ZBTB37: variants seen among roughly 807,000 people sequenced by gnomAD.
ZBTB37 encodes the protein zinc finger and BTB domain containing 37.
A neutral mutation model predicts 37.7 loss-of-function variants in ZBTB37; 15 were observed. The observed-to-expected ratio is 0.40, with a 90% confidence interval of 0.27 to 0.61. The LOEUF is 0.61. ZBTB37 is among the 20% of genes least tolerant of loss of function. The pLI is 0.44. For missense variants in ZBTB37, 514 were observed against 641.9 expected (o/e 0.80, Z 2.15); for synonymous variants, 231 against 220.6 (o/e 1.05, Z -0.42).
chr1:173,888,583 T>C (rs1656720114), downstream of ZBTB37: 1 of 148,866 alleles, frequency 6.7e-6, no homozygotes, highest in South Asian at 2.1e-4. Flanking sequence ...TGCACCACCA[T>C]GTCTAGCTAA....
chr1:173,889,772 T>G (rs917530849), downstream of ZBTB37: 1 of 152,226 alleles, frequency 6.6e-6, no homozygotes, highest in Non-Finnish European at 1.5e-5. Context: ...TTTATTATAA[T>G]AGAGGGTTAA....
intron 4 of ZBTB37, among the ~76,000 whole-genome samples, chr1:173,879,833 C>G (rs1457799123): frequency 6.6e-6 from 1 of 152,150 alleles, no homozygotes; most frequent in Non-Finnish European, 1.5e-5. Context: ...CACCTGTAAT[C>G]TCAGCTACTC....
At chr1:173,895,895 G>A (rs913423836) in exon 4 of ZBTB37, 6 of 152,102 alleles carry the variant, frequency 3.9e-5, no homozygotes. Context: ...CCATATTGAT[G>A]AACCCCAAAT....
exon 3 of ZBTB37, chr1:173,870,405 C>T: frequency 1.2e-6 from 2 of 1,614,236 alleles, no homozygotes; most frequent in South Asian, 1.1e-5. Context: ...TCCGGGATCA[C>T]ATGTCCTTGA....
intron 4 of ZBTB37, among the ~76,000 whole-genome samples, chr1:173,884,117 C>G (rs925285160): frequency 6.6e-6 from 1 of 150,844 alleles, no homozygotes; most frequent in Non-Finnish European, 1.5e-5. Context: ...TTTTTTAATA[C>G]AGAATTTTGA....
rs182092324 is a variant in ZBTB37 at position 173,876,646 on chromosome 1, G to A, written c.1023+3080G>A. On this transcript the variant is annotated intron_variant, in intron 4 of 4. Transcript: ENST00000427304. Reference sequence around the variant, plus strand: ...ACCACTGAATATTTATTGTGTGCATGGTATAGTAATAGCCGTAAGACATTG... The same window carrying A: ...ACCACTGAATATTTATTGTGTGCATAGTATAGTAATAGCCGTAAGACATTG... Among the ~76,000 whole-genome samples the A allele has an allele frequency of 8.4e-4, 128 of 152,190 alleles. 1 individual carries two copies. The highest frequency in any genetic ancestry group is 3.0e-3 in the African/African-American group (126 of 41,522).
intron 4 of ZBTB37, among the ~76,000 whole-genome samples, chr1:173,880,858 T>C (rs61827928): frequency 0.11 from 16,465 of 152,286 alleles, 1,014 homozygotes; most frequent in East Asian, 0.24. Flanking sequence ...GTGCTCACAG[T>C]TTATCACTGA....
chr1:173,873,217 A>G (rs1237027898), intron 3 of ZBTB37, among the ~76,000 whole-genome samples: 4 of 152,208 alleles, frequency 2.6e-5, no homozygotes, highest in Non-Finnish European at 5.9e-5. Context: ...GAAAGCTTAT[A>G]TTTAGCTTTA....
chr1:173,877,632 G>A (rs1656057593), intron 4 of ZBTB37, among the ~76,000 whole-genome samples: 1 of 152,054 alleles, frequency 6.6e-6, no homozygotes, highest in Admixed American at 6.5e-5. Context: ...GCTCACGCCT[G>A]TAATCCCATC....
chr1:173,875,332 T>TATATATATATA (rs199857517), intron 4 of ZBTB37, among the ~76,000 whole-genome samples: 1 of 81,840 alleles, frequency 1.2e-5, no homozygotes, highest in African/African-American at 6.8e-5. Flanking sequence ...ATATATATAT[T>TATATATATATA]TTTTTTTTTT....
chr1:173,878,593 G>A (rs1323260366), intron 4 of ZBTB37, among the ~76,000 whole-genome samples: 1 of 152,154 alleles, frequency 6.6e-6, no homozygotes, highest in Non-Finnish European at 1.5e-5. Flanking sequence ...AAGGGGAAGA[G>A]ACCAGGAAAA....
At chr1:173,876,408 C>G (rs1324328963) in intron 4 of ZBTB37, among the ~76,000 whole-genome samples, 1 of 152,166 alleles carries the variant, frequency 6.6e-6, no homozygotes, top group Non-Finnish European at 1.5e-5. Flanking sequence ...ACCTCCACCT[C>G]TCTGGTTCGA....
exon 3 of ZBTB37, chr1:173,870,623 A>G: frequency 3.7e-6 from 6 of 1,614,192 alleles, no homozygotes; most frequent in Non-Finnish European, 5.1e-6. Context: ...AATGTGGCTG[A>G]GGTTGAAGCA....
chr1:173,877,378 T>C (rs1032588496), intron 4 of ZBTB37, among the ~76,000 whole-genome samples: 13 of 146,126 alleles, frequency 8.9e-5, no homozygotes, highest in East Asian at 2.0e-4. Flanking sequence ...TCTTTCTTTT[T>C]TTTTTTTTTT....
exon 4 of ZBTB37, chr1:173,892,137 G>A (rs1254592939): frequency 6.6e-6 from 1 of 152,116 alleles, no homozygotes; most frequent in African/African-American, 2.4e-5. Flanking sequence ...TGAGATTTTG[G>A]AGTATTACTT....
exon 3 of ZBTB37, chr1:173,870,712 C>G (rs776087238): frequency 6.2e-7 from 1 of 1,614,198 alleles, no homozygotes; most frequent in African/African-American, 1.3e-5. Flanking sequence ...CAACCGCTCC[C>G]TTAGCCCACG....
At chr1:173,897,258 C>G (rs1657085825) in exon 4 of ZBTB37, 1 of 152,150 alleles carries the variant, frequency 6.6e-6, no homozygotes, top group African/African-American at 2.4e-5. Context: ...TTCTAAAAAT[C>G]AAATTCTTGG....
chr1:173,888,183 A>G (rs1011588452), downstream of ZBTB37: 4 of 152,194 alleles, frequency 2.6e-5, no homozygotes, highest in Admixed American at 6.5e-5. Context: ...TTCTAAAGCC[A>G]TCTTTAGGGA....
At chr1:173,879,091 C>CAA (rs35322065) in intron 4 of ZBTB37, among the ~76,000 whole-genome samples, 14 of 84,810 alleles carry the variant, frequency 1.7e-4, no homozygotes, top group East Asian at 3.5e-4. Context: ...AACTCCATCT[C>CAA]AAAAAAAAAA....
Sources: allele counts gnomAD v4.1 joint callset (sites outside exome capture counted in the v4.1 genomes callset), GRCh38; gene constraint gnomAD v4.1.1; transcripts MANE v1.5; gene names NCBI Gene and HGNC (gene_info 2026-07-23, HGNC 2026-07-21).